PROCR: variants seen among roughly 807,000 people sequenced by gnomAD.
PROCR encodes the protein endothelial protein C receptor.
PROCR carries 22 observed loss-of-function variants against 24.2 expected under a neutral mutation model. The observed-to-expected ratio is 0.91, with a 90% CI of 0.65 to 1.30. The LOEUF is 1.30. PROCR is among the 50% of genes most tolerant of loss of function. The pLI is 0.00. For synonymous variants in PROCR, 137 were observed against 139.2 expected (o/e 0.98, Z 0.11); for missense variants, 288 against 307.7 (o/e 0.94, Z 0.48).
chr20:35,210,653 C>T (rs2060359228), intron 1 of PROCR, among the ~76,000 whole-genome samples: 1 of 151,790 alleles, frequency 6.6e-6, no homozygotes, highest in African/African-American at 2.4e-5. Flanking sequence ...TTTTTAATTG[C>T]CCCGTGCAAT....
At chr20:35,181,011 C>T (rs2086073655), downstream of PROCR, among the ~76,000 whole-genome samples, 1 of 152,056 alleles carries the variant, frequency 6.6e-6, no homozygotes. Context: ...GGATTACAGG[C>T]ATGTGCCACC....
downstream of PROCR, among the ~76,000 whole-genome samples, chr20:35,179,674 A>T (rs1010407305): frequency 1.2e-4 from 18 of 152,188 alleles, no homozygotes; most frequent in Admixed American, 1.2e-3. Context: ...ACATGTTCAA[A>T]ATCAAATTTA....
At chr20:35,197,791 C>T (rs759314945) in intron 1 of PROCR, among the ~76,000 whole-genome samples, 17 of 148,150 alleles carry the variant, frequency 1.1e-4, no homozygotes, top group Admixed American at 3.4e-4. Context: ...CACTGCACTC[C>T]AGCCTGGGGG....
At chr20:35,184,549 A>G (rs1397682559) in intron 1 of PROCR, among the ~76,000 whole-genome samples, 2 of 151,618 alleles carry the variant, frequency 1.3e-5, no homozygotes, top group Non-Finnish European at 2.9e-5. Context: ...AAATACAAAA[A>G]ATTAGCTGGG....
intron 1 of PROCR, among the ~76,000 whole-genome samples, chr20:35,198,356 G>T (rs1188385074): frequency 6.6e-6 from 1 of 152,058 alleles, no homozygotes; most frequent in Non-Finnish European, 1.5e-5. Context: ...CAGTCTTAAT[G>T]CTTATACAGA....
downstream of PROCR, among the ~76,000 whole-genome samples, chr20:35,181,428 C>T (rs1243279554): frequency 2.0e-5 from 3 of 151,930 alleles, no homozygotes; most frequent in Non-Finnish European, 2.9e-5. Context: ...GCATGTGCCA[C>T]CACGCCCGGC....
Position 35,176,769 on chromosome 20 carries a change from G to T in PROCR, c.673G>T (p.Val225Leu), listed in dbSNP as rs1160641612. 7 of 1,613,952 alleles carry T rather than the reference G, an allele frequency of 4.3e-6. No homozygotes were observed. In the African/African-American group the frequency reaches 8.0e-5, roughly 18 times the overall value. The change falls in exon 4 of 4, where the codon GTG becomes TTG. Residue 225 changes from valine to leucine, a missense_variant. Val to Leu is a conservative substitution (Grantham distance 32, BLOSUM62 1). Coordinates refer to ENST00000216968, the MANE Select transcript of PROCR (RefSeq NM_006404.5). ...VLVGSFIIAG[V>L]AVGIFLCTGG... ...GGTGGGCAGTTTCATCATTGCTGGTGTGGCTGTAGGCATCTTCCTGTGCAC... is the reference window on the plus strand; with the variant it reads ...GGTGGGCAGTTTCATCATTGCTGGTTTGGCTGTAGGCATCTTCCTGTGCAC...
chr20:35,183,821 G>T (rs554705962), intron 1 of PROCR, among the ~76,000 whole-genome samples: 3 of 152,250 alleles, frequency 2.0e-5, no homozygotes, highest in African/African-American at 7.2e-5. Flanking sequence ...ATTTCTTAAA[G>T]AAGATACACC....
intron 1 of PROCR, among the ~76,000 whole-genome samples, chr20:35,183,297 A>G (rs2146154277): frequency 6.6e-6 from 1 of 152,298 alleles, no homozygotes; most frequent in African/African-American, 2.4e-5. Context: ...TCCCTCATGA[A>G]TGGCTTAACA....
chr20:35,202,698 T>C (rs2060323394), intron 1 of PROCR: 1 of 151,408 alleles, frequency 6.6e-6, no homozygotes, highest in Non-Finnish European at 1.5e-5. Context: ...CCAAAATAAA[T>C]GAAGCAAAAA....
intron 1 of PROCR, 163 bp from the exon 2 acceptor site, chr20:35,174,537 CAG>C (rs1457428460): frequency 3.1e-5 from 26 of 838,648 alleles, no homozygotes; most frequent in Non-Finnish European, 2.8e-5. Flanking sequence ...GTCCTCCTGG[CAG>C]AGTTACTGTC....
downstream of PROCR, among the ~76,000 whole-genome samples, chr20:35,177,592 T>C (rs556702279): frequency 1.3e-5 from 2 of 151,858 alleles, no homozygotes; most frequent in Non-Finnish European, 2.9e-5. Flanking sequence ...GGATTACAGA[T>C]GCATGCCACC....
chr20:35,181,905 A>T (rs1403978348), downstream of PROCR, among the ~76,000 whole-genome samples: 1 of 152,252 alleles, frequency 6.6e-6, no homozygotes. Context: ...ACCAGGGACC[A>T]CAGCCAAAGT....
chr20:35,214,594 C>G (rs1351579965), intron 1 of PROCR, among the ~76,000 whole-genome samples: 1 of 150,098 alleles, frequency 6.7e-6, no homozygotes, highest in African/African-American at 2.5e-5. Flanking sequence ...GAGGCTGAGG[C>G]AGGAGAATTG....
At position 35,176,205 on chromosome 20, in the gene PROCR, G is replaced by T. The variant is rs199573723; in HGVS notation, c.360G>T (p.Leu120=). 3.7e-6 allele frequency: 6 copies of T among 1,612,898 alleles called. No individual in the cohort carries two copies. The highest frequency in any genetic ancestry group is 5.1e-6 in the Non-Finnish European group (6 of 1,179,500). ...LTIRCFLGCE[L]PPEGSRAHVF... is the part of the protein sequence containing the mutation. ...TCCGCTGCTTCCTGGGCTGTGAGCT[G>T]CCTCCCGAGGGCTCTAGAGCCCATG... The change falls in exon 3 of 4, where the codon CTG becomes CTT. Residue 120 remains leucine, a synonymous_variant. Coordinates refer to ENST00000216968, the MANE Select transcript of PROCR (RefSeq NM_006404.5).
chr20:35,174,900 T>G lies in PROCR; in HGVS notation c.269T>G (p.Leu90Arg), dbSNP rs1207321390. 6.2e-7 allele frequency: 1 copy of G among 1,606,564 alleles called. No homozygotes were observed. Among genetic ancestry groups the G allele is most frequent in the Non-Finnish European group, 8.5e-7 (1 of 1,176,506 alleles). Residue 90 changes from leucine (L) to arginine (R), a missense_variant, in exon 2 of 4, where the codon CTG becomes CGG. Transcript: ENST00000216968. The part of the protein sequence containing the change: ...ARTQSGLQSY[L>R]LQFHGLVRLV... ...ACGCAGAGTGGCCTGCAGTCCTACC[T>G]GCTCCAGTTCCACGGCCTCGTGCGC...
At chr20:35,193,556 A>G (rs1342193866) in intron 1 of PROCR, among the ~76,000 whole-genome samples, 1 of 152,162 alleles carries the variant, frequency 6.6e-6, no homozygotes, top group Non-Finnish European at 1.5e-5. Flanking sequence ...TTATAATTTG[A>G]GCACTTTCCT....
At chr20:35,171,583 C>T (rs2069941), upstream of PROCR, among the ~76,000 whole-genome samples, 562 of 152,220 alleles carry the variant, frequency 3.7e-3, no homozygotes, top group African/African-American at 0.013. Flanking sequence ...GACCAAGATC[C>T]CGGATTATGT....
At chr20:35,199,319 C>G (rs748235268) in intron 1 of PROCR, among the ~76,000 whole-genome samples, 1 of 152,190 alleles carries the variant, frequency 6.6e-6, no homozygotes, top group Non-Finnish European at 1.5e-5. Context: ...AATATTACTA[C>G]TCATTGGCAA....
Sources: allele counts gnomAD v4.1 joint callset (sites outside exome capture counted in the v4.1 genomes callset), GRCh38; gene constraint gnomAD v4.1.1; transcripts MANE v1.5; gene names NCBI Gene and HGNC (gene_info 2026-07-23, HGNC 2026-07-21).